The following DCX variants were observed in gnomAD, a reference collection of about 807,000 sequenced individuals.
DCX encodes the protein doublecortin, also known as neuronal migration protein doublecortin.
In DCX, 4 loss-of-function variants were observed where a neutral mutation model predicts 20.9. That is an observed-to-expected ratio of 0.19 (90% confidence interval 0.09 to 0.44). The LOEUF is 0.44. Among genes scored for constraint, DCX ranks in the 20% least tolerant of loss-of-function variants. The pLI is 0.99. For synonymous variants in DCX, 103 were observed against 111.4 expected, an observed-to-expected ratio of 0.92 and a Z score of 0.47; for missense variants, 133 against 296.9, an observed-to-expected ratio of 0.45 and a Z score of 4.06.
chrX:111,342,359 A>ATG (rs2147655022), intron 3 of DCX, among the ~76,000 whole-genome samples: 1 of 74,428 alleles, frequency 1.3e-5, no homozygotes, highest in South Asian at 8.4e-4. Flanking sequence ...ATATATATAT[A>ATG]TATATATATA....
intron 3 of DCX, among the ~76,000 whole-genome samples, chrX:111,345,047 T>C (rs143304671): frequency 8.0e-4 from 90 of 111,983 alleles, no homozygotes; most frequent in Middle Eastern, 4.6e-3. Context: ...AACAGTCATA[T>C]AGACTGATGG....
At chrX:111,409,913 A>G in intron 2 of DCX, 122 bp downstream of exon 2, 6 of 946,254 alleles carry the variant, frequency 6.3e-6, no homozygotes, top group Non-Finnish European at 7.5e-6. Context: ...AAATTTGAGC[A>G]TCAATCAACC....
intron 3 of DCX, among the ~76,000 whole-genome samples, chrX:111,354,481 A>C (rs1164240002): frequency 3.6e-5 from 4 of 112,072 alleles, no homozygotes. Flanking sequence ...CACAACCCTC[A>C]AAGAGACAAA....
intron 5 of DCX, among the ~76,000 whole-genome samples, chrX:111,328,929 C>T (rs985026175): frequency 9.9e-5 from 11 of 110,705 alleles, no homozygotes; most frequent in African/African-American, 3.6e-4. Context: ...CCCACCAAAA[C>T]TGTGAGATAA....
chrX:111,305,393 T>C (rs1445105166), intron 6 of DCX, among the ~76,000 whole-genome samples: 1 of 112,123 alleles, frequency 8.9e-6, no homozygotes, highest in Non-Finnish European at 1.9e-5. Flanking sequence ...AAATAGTTAC[T>C]ATAGTGAAAC....
At chrX:111,406,165 C>G (rs1248006381) in intron 2 of DCX, among the ~76,000 whole-genome samples, 2 of 111,785 alleles carry the variant, frequency 1.8e-5, no homozygotes, top group South Asian at 3.8e-4. Context: ...TAATACTTCC[C>G]AAGTCTAAGT....
chrX:111,335,953 AAAAG>A (rs763672409), intron 3 of DCX, among the ~76,000 whole-genome samples: 3 of 111,421 alleles, frequency 2.7e-5, no homozygotes, highest in Admixed American at 9.5e-5. Context: ...ACTCCGAAAA[AAAAG>A]AAAGAAAGAA....
intron 3 of DCX, among the ~76,000 whole-genome samples, chrX:111,341,656 A>C (rs989387756): frequency 8.9e-6 from 1 of 112,005 alleles, no homozygotes; most frequent in Non-Finnish European, 1.9e-5. Context: ...AGGTAAGCCC[A>C]TCAGACTAAC....
chrX:111,366,699 G>A (rs958870597), intron 3 of DCX, among the ~76,000 whole-genome samples: 5 of 111,742 alleles, frequency 4.5e-5, no homozygotes, highest in African/African-American at 1.6e-4. Flanking sequence ...TCAATGCCAG[G>A]TGTCAGGCCT....
rs139453318 is a variant in DCX, at chrX:111,408,714, C to A, written c.364+1321G>T. ...AGAAAGGAAGGAAGTCGAACTTGAA[C>A]CTTGAGACTCAGATGCAGCAACAAT... On this transcript the variant is annotated intron_variant, in intron 2 of 6. Transcript: ENST00000636035. Among the ~76,000 whole-genome samples, 335 of 110,710 alleles carry A rather than the reference C, an allele frequency of 3.0e-3. 1 individual carries two copies. Among genetic ancestry groups the A allele is most frequent in the African/African-American group, 0.011 (323 of 30,454 alleles).
intron 2 of DCX, among the ~76,000 whole-genome samples, chrX:111,408,092 T>C (rs1928352537): frequency 9.0e-6 from 1 of 111,214 alleles, no homozygotes; most frequent in Admixed American, 9.6e-5. Context: ...TTGACTGAGA[T>C]GTGGATTTTA....
chrX:111,317,877 C>A (rs1335420789), intron 5 of DCX, among the ~76,000 whole-genome samples: 1 of 111,030 alleles, frequency 9.0e-6, no homozygotes, highest in Non-Finnish European at 1.9e-5. Context: ...CATCTCACAC[C>A]AGTCAGAATG....
At chrX:111,339,994 A>AAAT (rs991759731) in intron 3 of DCX, among the ~76,000 whole-genome samples, 3 of 112,774 alleles carry the variant, frequency 2.7e-5, no homozygotes, top group African/African-American at 9.7e-5. Context: ...CATGCCCCAC[A>AAAT]AATACCTATT....
At chrX:111,349,666 A>G (rs1279870720) in intron 3 of DCX, among the ~76,000 whole-genome samples, 1 of 112,014 alleles carries the variant, frequency 8.9e-6, no homozygotes, top group Non-Finnish European at 1.9e-5. Context: ...GGCTGGACAG[A>G]ATACTAATGA....
At chrX:111,377,184 C>G (rs989150667) in intron 3 of DCX, among the ~76,000 whole-genome samples, 1 of 111,602 alleles carries the variant, frequency 9.0e-6, no homozygotes, top group Admixed American at 9.5e-5. Flanking sequence ...TGAAGAGCTG[C>G]AAAAAATCAG....
In DCX at chrX:111,332,988, G is replaced by A. The variant is rs185664669; in HGVS notation, c.808+63C>T. Reference sequence around the variant, plus strand: ...GTTTTCCACACCATACAAACCCATGGAAATCCTAAAGGATAGAAGGGGAGA... The same window carrying A: ...GTTTTCCACACCATACAAACCCATGAAAATCCTAAAGGATAGAAGGGGAGA... On this transcript the variant is annotated intron_variant, in intron 4 of 6. Transcript: ENST00000636035. The A allele has an allele frequency of 1.1e-4, 92 of 867,259 alleles. No individual in the cohort carries two copies. In the African/African-American group the frequency reaches 1.7e-3, roughly 16 times the overall value. The allele number at this position is 867,259 out of a possible 1,213,427, so 71.5% of individuals were successfully genotyped here.
At chrX:111,378,247 G>A (rs1411169910) in intron 3 of DCX, among the ~76,000 whole-genome samples, 5 of 111,889 alleles carry the variant, frequency 4.5e-5, no homozygotes, top group Non-Finnish European at 9.4e-5. Context: ...AGAATATGTA[G>A]CTAGTGTTGA....
Position 111,348,980 on chromosome X carries a change from T to C in DCX, c.706-15827A>G, listed in dbSNP as rs146795614. Among the ~76,000 whole-genome samples, 36 of 111,925 alleles carry C rather than the reference T, an allele frequency of 3.2e-4. No homozygotes were observed. In the East Asian group the frequency reaches 9.6e-3, roughly 30 times the overall value. On this transcript the variant is annotated intron_variant, in intron 3 of 6. Transcript: ENST00000636035. ...CTCTCTGGGTCTGTTTCTTCTGCTA[T>C]AAGGAGAAGGTGCTGATCTAGAGCC... is the stretch of plus-strand genomic sequence containing the variant.
At chrX:111,384,062 T>C (rs772894998) in intron 3 of DCX, among the ~76,000 whole-genome samples, 23 of 112,205 alleles carry the variant, frequency 2.0e-4, no homozygotes, top group South Asian at 7.5e-4. Flanking sequence ...CTAACCCATG[T>C]CTTTCTACTT....
Sources: gnomAD v4.1 joint callset for allele counts (sites outside exome capture counted in the v4.1 genomes callset) on GRCh38, gnomAD v4.1.1 for gene constraint, MANE v1.5 for transcripts, NCBI Gene and HGNC (gene_info 2026-07-23, HGNC 2026-07-21) for gene names.